The following RBFOX1 variants were observed in gnomAD, a reference collection of about 807,000 sequenced individuals.
RBFOX1 encodes the protein RNA binding fox-1 homolog 1, also known as RNA binding protein fox-1 homolog 1.
In RBFOX1, 8 loss-of-function variants were observed where a neutral mutation model predicts 57.7. That is an observed-to-expected ratio of 0.14 (90% CI 0.08 to 0.25). The LOEUF (loss-of-function observed/expected upper bound fraction) is 0.25. Ranked by LOEUF, RBFOX1 falls within the 10% of genes least tolerant of loss-of-function variation. The probability of loss-of-function intolerance (pLI) is 1.00; values close to 1 mark genes in which losing one functional copy is unlikely to be tolerated. For missense variants in RBFOX1, 611 were observed against 548.5 expected, an observed-to-expected ratio of 1.11 and a Z score of -1.14; for synonymous variants, 326 against 222.4, an observed-to-expected ratio of 1.47 and a Z score of -4.15.
intron 4 of RBFOX1, among the ~76,000 whole-genome samples, chr16:7,095,244 C>G (rs921102064): frequency 8.5e-5 from 13 of 152,186 alleles, no homozygotes; most frequent in Non-Finnish European, 1.0e-4. Context: ...TCAAACGATT[C>G]TCCTGCCTCA....
chr16:5,277,494 G>A (rs1335874350), intron 1 of RBFOX1, among the ~76,000 whole-genome samples: 1 of 152,044 alleles, frequency 6.6e-6, no homozygotes, highest in Non-Finnish European at 1.5e-5. Flanking sequence ...CACTTTCTAT[G>A]ATATTAAACA....
intron 2 of RBFOX1, among the ~76,000 whole-genome samples, chr16:6,636,821 A>T (rs1419051030): frequency 1.6e-4 from 4 of 24,544 alleles, no homozygotes; most frequent in Admixed American, 6.0e-4. Context: ...ATAATATATA[A>T]TATATGTTAT....
chr16:6,078,575 C>A (rs2095947489), intron 1 of RBFOX1, among the ~76,000 whole-genome samples: 1 of 152,186 alleles, frequency 6.6e-6, no homozygotes, highest in Non-Finnish European at 1.5e-5. Context: ...TGACCTTGGG[C>A]AAGTTAGTTA....
intron 14 of RBFOX1, among the ~76,000 whole-genome samples, chr16:7,687,067 C>T (rs1013410031): frequency 6.6e-6 from 1 of 152,004 alleles, no homozygotes; most frequent in Non-Finnish European, 1.5e-5. Context: ...TTCATGTGTT[C>T]CCCCTTTTCA....
intron 4 of RBFOX1, among the ~76,000 whole-genome samples, chr16:7,366,983 A>G (rs189981098): frequency 1.6e-4 from 24 of 152,272 alleles, no homozygotes; most frequent in Non-Finnish European, 2.9e-4. Context: ...TGTCAGGTGG[A>G]CATGTTTTTA....
intron 2 of RBFOX1, among the ~76,000 whole-genome samples, chr16:6,401,301 C>G (rs1021747840): frequency 1.3e-5 from 2 of 152,122 alleles, no homozygotes; most frequent in East Asian, 1.9e-4. Context: ...TTGGAGCTCA[C>G]TGAATGAAAG....
intron 3 of RBFOX1, among the ~76,000 whole-genome samples, chr16:7,016,570 C>T (rs1206233996): frequency 2.0e-5 from 3 of 152,168 alleles, no homozygotes; most frequent in East Asian, 1.9e-4. Context: ...TATCATCTCA[C>T]GTAATTCCTC....
At chr16:6,483,967 C>T (rs1043896884) in intron 2 of RBFOX1, 1 of 1,030,180 alleles carries the variant, frequency 9.7e-7, no homozygotes, top group Non-Finnish European at 1.2e-6. Flanking sequence ...GCTCAGGGCT[C>T]GCCCTGGGTG....
chr16:5,555,812 G>T (rs1017842366), intron 2 of RBFOX1, among the ~76,000 whole-genome samples: 5 of 151,784 alleles, frequency 3.3e-5, no homozygotes, highest in Non-Finnish European at 7.4e-5. Context: ...ACCTGAGGTC[G>T]GGAGTTCGAG....
chr16:6,907,148 C>A (rs1243491812), intron 3 of RBFOX1, among the ~76,000 whole-genome samples: 1 of 152,212 alleles, frequency 6.6e-6, no homozygotes, highest in South Asian at 2.1e-4. Flanking sequence ...GTAGACATTT[C>A]TGTGTTTTAC....
intron 13 of RBFOX1, among the ~76,000 whole-genome samples, chr16:7,665,366 GGCT>G (rs1568356561): frequency 6.6e-6 from 1 of 152,092 alleles, no homozygotes; most frequent in Non-Finnish European, 1.5e-5. Context: ...ATATTTTCAT[GGCT>G]GCTATTTTTG....
chr16:6,250,312 A>C (rs2097598676), intron 1 of RBFOX1, among the ~76,000 whole-genome samples: 1 of 152,178 alleles, frequency 6.6e-6, no homozygotes, highest in Admixed American at 6.5e-5. Flanking sequence ...ACTGCTCATT[A>C]GAATGTTTAA....
intron 3 of RBFOX1, among the ~76,000 whole-genome samples, chr16:6,908,192 A>C (rs2070583854): frequency 6.6e-6 from 1 of 151,652 alleles, no homozygotes; most frequent in Non-Finnish European, 1.5e-5. Context: ...TGCAGTTCAG[A>C]TTATTACCTC....
chr16:5,810,961 A>T (rs1208772717), intron 3 of RBFOX1, among the ~76,000 whole-genome samples: 1 of 152,046 alleles, frequency 6.6e-6, no homozygotes, highest in Admixed American at 6.6e-5. Context: ...TGAAACCATC[A>T]CCACAGTCAG....
intron 3 of RBFOX1, among the ~76,000 whole-genome samples, chr16:5,637,190 C>A (rs2048709149): frequency 1.3e-5 from 2 of 152,242 alleles, no homozygotes; most frequent in Non-Finnish European, 1.5e-5. Flanking sequence ...AGCTGACATG[C>A]CGCTGAGAAA....
intron 2 of RBFOX1, among the ~76,000 whole-genome samples, chr16:6,357,581 CG>C (rs2087592976): frequency 6.6e-6 from 1 of 151,844 alleles, no homozygotes; most frequent in African/African-American, 2.4e-5. Flanking sequence ...CTCTCTCTCT[CG>C]CTGTCTCGCT....
intron 1 of RBFOX1, among the ~76,000 whole-genome samples, chr16:5,393,503 G>A (rs1300768913): frequency 1.3e-5 from 2 of 152,142 alleles, no homozygotes; most frequent in African/African-American, 4.8e-5. Context: ...GGTGACCAGG[G>A]ACATCCATTA....
Position 6,272,219 on chromosome 16 carries a change from G to A in RBFOX1, c.-126-44776G>A, listed in dbSNP as rs369623189. Among the ~76,000 whole-genome samples the A allele has an allele frequency of 1.7e-3, 260 of 152,170 alleles. 9 individuals are homozygous for A. In the South Asian group the frequency reaches 0.034, roughly 20 times the overall value. ...CATTCACCGAATCTTATCAATCTAT[G>A]TAGAAACATACTTGATAAAATTCAA... On this transcript the variant is annotated intron_variant, in intron 1 of 15. Transcript: ENST00000550418.
intron 1 of RBFOX1, among the ~76,000 whole-genome samples, chr16:6,134,197 A>G (rs1246864971): frequency 6.6e-6 from 1 of 152,150 alleles, no homozygotes; most frequent in East Asian, 1.9e-4. Context: ...TCAGCCTCCC[A>G]AAGTGTTGGG....
Sources: allele counts gnomAD v4.1 joint callset (sites outside exome capture counted in the v4.1 genomes callset), GRCh38; gene constraint gnomAD v4.1.1; transcripts MANE v1.5; gene names NCBI Gene and HGNC (gene_info 2026-07-23, HGNC 2026-07-21).